The following TENM3 variants were observed in gnomAD, a reference collection of about 807,000 sequenced individuals.
TENM3 encodes teneurin-3.
In TENM3, 63 loss-of-function variants were observed where a neutral mutation model predicts 255.1. The observed-to-expected ratio is 0.25, with a 90% confidence interval of 0.20 to 0.30. TENM3 has a LOEUF of 0.30. Ranked by LOEUF, TENM3 falls within the 10% of genes least tolerant of loss-of-function variation. The probability of loss-of-function intolerance (pLI) is 1.00; values close to 1 mark genes in which losing one functional copy is unlikely to be tolerated. For synonymous variants in TENM3, 1,306 were observed against 1,322.3 expected, an observed-to-expected ratio of 0.99 and a Z score of 0.27; for missense variants, 2,929 against 3,461.1, an observed-to-expected ratio of 0.85 and a Z score of 3.86.
chr4:182,679,046 C>A (rs1274204155), intron 7 of TENM3, among the ~76,000 whole-genome samples: 11 of 152,070 alleles, frequency 7.2e-5, no homozygotes, highest in East Asian at 3.9e-4. Flanking sequence ...GAACATCACC[C>A]CAGGGCCTGT....
At chr4:182,475,717 G>A (rs1363053485) in intron 3 of TENM3, among the ~76,000 whole-genome samples, 1 of 152,132 alleles carries the variant, frequency 6.6e-6, no homozygotes, top group Non-Finnish European at 1.5e-5. Context: ...TCACACTCGG[G>A]ATTTAATCTT....
chr4:182,540,634 T>C (rs1212477539), intron 3 of TENM3, among the ~76,000 whole-genome samples: 1 of 152,170 alleles, frequency 6.6e-6, no homozygotes, highest in Admixed American at 6.5e-5. Flanking sequence ...TGAACCCGTG[T>C]GTCTCACCAA....
chr4:182,601,464 G>A (rs1479763290), intron 4 of TENM3, among the ~76,000 whole-genome samples: 2 of 152,132 alleles, frequency 1.3e-5, no homozygotes, highest in African/African-American at 4.8e-5. Flanking sequence ...TGGAGAAAAG[G>A]ACAGAGATGT....
chr4:181,936,974 T>C, the TENM3 span, among the ~76,000 whole-genome samples: 11 of 152,138 alleles, frequency 7.2e-5, no homozygotes, highest in South Asian at 2.1e-4. Flanking sequence ...AAGCAAGCAG[T>C]GTGTTGTTGT....
In TENM3 at chr4:182,403,864, G is replaced by A. The variant is rs550293532; in HGVS notation, c.511+56935G>A. Among the ~76,000 whole-genome samples the A allele has an allele frequency of 8.7e-4, 133 of 152,224 alleles. 1 individual carries two copies. Among genetic ancestry groups the A allele is most frequent in the Non-Finnish European group, 1.4e-3 (92 of 68,012 alleles). ...CTTCTAAGTAGCTGGGACCACAGGCGTGTGCCACCACACCCAGCTAATTTT... is the reference window on the plus strand; with the variant it reads ...CTTCTAAGTAGCTGGGACCACAGGCATGTGCCACCACACCCAGCTAATTTT... On this transcript the variant is annotated intron_variant, in intron 3 of 27. Transcript: ENST00000511685.
At chr4:181,827,690 T>C in the TENM3 span, among the ~76,000 whole-genome samples, 1 of 152,016 alleles carries the variant, frequency 6.6e-6, no homozygotes, top group African/African-American at 2.4e-5. Context: ...GCTCACCAGG[T>C]TCCACGGCTG....
At chr4:182,068,864 A>G in the TENM3 span, among the ~76,000 whole-genome samples, 1 of 152,256 alleles carries the variant, frequency 6.6e-6, no homozygotes, top group Admixed American at 6.5e-5. Context: ...ACTTAATGAT[A>G]ATCATTATCT....
intron 1 of TENM3, among the ~76,000 whole-genome samples, chr4:182,221,452 C>G (rs1755847686): frequency 6.6e-6 from 1 of 152,310 alleles, no homozygotes; most frequent in African/African-American, 2.4e-5. Flanking sequence ...CCCAAAATCT[C>G]GTGGTGGGCC....
chr4:182,511,621 C>G (rs1360054235), intron 3 of TENM3, among the ~76,000 whole-genome samples: 1 of 152,118 alleles, frequency 6.6e-6, no homozygotes, highest in African/African-American at 2.4e-5. Flanking sequence ...GTTCTCTCTC[C>G]TTTCATCAGT....
chr4:181,942,104 G>A, the TENM3 span, among the ~76,000 whole-genome samples: 2 of 152,082 alleles, frequency 1.3e-5, no homozygotes, highest in Non-Finnish European at 1.5e-5. Flanking sequence ...GACTCAGGCC[G>A]CCTCTTCTGG....
At chr4:182,624,040 G>A (rs1465099299) in intron 4 of TENM3, among the ~76,000 whole-genome samples, 2 of 149,948 alleles carry the variant, frequency 1.3e-5, no homozygotes, top group South Asian at 2.1e-4. Context: ...GTAAGGCACA[G>A]GTTTCCTCTG....
intron 3 of TENM3, among the ~76,000 whole-genome samples, chr4:182,378,265 C>T (rs955858101): frequency 1.3e-5 from 2 of 152,170 alleles, no homozygotes; most frequent in African/African-American, 2.4e-5. Flanking sequence ...GTTGTGCAGA[C>T]GACTGGGGAT....
chr4:182,429,746 TTC>T (rs1392517194), intron 3 of TENM3, among the ~76,000 whole-genome samples: 5 of 152,152 alleles, frequency 3.3e-5, no homozygotes, highest in African/African-American at 1.2e-4. Context: ...ACAAATTTGG[TTC>T]AGGTACCAAC....
chr4:181,974,886 C>T, the TENM3 span, among the ~76,000 whole-genome samples: 1 of 152,148 alleles, frequency 6.6e-6, no homozygotes, highest in Non-Finnish European at 1.5e-5. Context: ...TACCCATCAC[C>T]CAAATATTGA....
chr4:182,565,785 A>G (rs1208699968), intron 3 of TENM3, among the ~76,000 whole-genome samples: 1 of 152,224 alleles, frequency 6.6e-6, no homozygotes, highest in Non-Finnish European at 1.5e-5. Context: ...TTGTTTAAGA[A>G]GGAGAGAGAA....
intron 1 of TENM3, among the ~76,000 whole-genome samples, chr4:182,322,308 G>C (rs901744387): frequency 6.6e-6 from 1 of 152,176 alleles, no homozygotes; most frequent in Non-Finnish European, 1.5e-5. Context: ...TCAGTATTTG[G>C]TAGCCATATC....
At chr4:182,767,019 G>A (rs1335567475) in intron 22 of TENM3, among the ~76,000 whole-genome samples, 1 of 152,144 alleles carries the variant, frequency 6.6e-6, no homozygotes, top group Non-Finnish European at 1.5e-5. Flanking sequence ...TAGGTAGGTA[G>A]CAGGCAGGGG....
chr4:181,746,106 G>A, the TENM3 span, among the ~76,000 whole-genome samples: 1 of 152,106 alleles, frequency 6.6e-6, no homozygotes, highest in Non-Finnish European at 1.5e-5. Flanking sequence ...TCAAAAGAGT[G>A]TAGGTGCAGC....
chr4:182,076,647 G>A, the TENM3 span, among the ~76,000 whole-genome samples: 798 of 152,226 alleles, frequency 5.2e-3, 4 homozygotes, highest in Middle Eastern at 0.01. Flanking sequence ...TTCTAAACAC[G>A]TATCTCTTAA....
Sources: allele counts gnomAD v4.1 joint callset (sites outside exome capture counted in the v4.1 genomes callset), GRCh38; gene constraint gnomAD v4.1.1; transcripts MANE v1.5; gene names NCBI Gene and HGNC (gene_info 2026-07-23, HGNC 2026-07-21).